Variants in LAMB4 observed in about 807,000 individuals in gnomAD.
LAMB4 encodes the protein laminin subunit beta 4, also known as laminin subunit beta-4.
Under a neutral mutation model 199.2 loss-of-function variants are expected in LAMB4, and 196 were observed. The observed-to-expected ratio is 0.98, with a 90% confidence interval of 0.88 to 1.11. The LOEUF (loss-of-function observed/expected upper bound fraction) is 1.11. LAMB4 is among the 50% of genes least tolerant of loss of function. The pLI is 0.00. For synonymous variants in LAMB4, 744 were observed against 770.6 expected (o/e 0.97, Z 0.57); for missense variants, 2,080 against 2,171.2 (o/e 0.96, Z 0.83).
At chr7:108,015,107 C>G in the LAMB4 span, among the ~76,000 whole-genome samples, 2 of 152,152 alleles carry the variant, frequency 1.3e-5, no homozygotes. Flanking sequence ...TTACACTGAT[C>G]TGTAAAAAAA....
chr7:108,067,548 C>A (rs914661369), intron 19 of LAMB4, among the ~76,000 whole-genome samples: 1 of 152,340 alleles, frequency 6.6e-6, no homozygotes, highest in Middle Eastern at 3.4e-3. Context: ...TGTTTGCAAA[C>A]CTCGCATCAG....
chr7:108,027,161 T>C (rs1290975426), intron 33 of LAMB4, among the ~76,000 whole-genome samples: 2 of 152,084 alleles, frequency 1.3e-5, no homozygotes, highest in Non-Finnish European at 1.5e-5. Context: ...CTGACTTTCA[T>C]GGTATTGTCT....
At chr7:108,109,133 A>C (rs1328934251) in intron 5 of LAMB4, 38 bp downstream of exon 5, 8 of 1,409,754 alleles carry the variant, frequency 5.7e-6, no homozygotes, top group East Asian at 4.6e-5. Flanking sequence ...CATTTAGGGA[A>C]TAGATAAAAG....
chr7:108,118,723 G>C (rs576060293), intron 2 of LAMB4, among the ~76,000 whole-genome samples: 2 of 152,078 alleles, frequency 1.3e-5, no homozygotes, highest in South Asian at 4.1e-4. Flanking sequence ...CTGGCATTTA[G>C]GGCTAGGTGA....
chr7:108,092,231 G>C (rs2037435123), intron 13 of LAMB4, 106 bp downstream of exon 13: 4 of 788,828 alleles, frequency 5.1e-6, no homozygotes, highest in Non-Finnish European at 8.5e-6. Flanking sequence ...CAAGATCATT[G>C]CTTGTCATGG....
intron 12 of LAMB4, among the ~76,000 whole-genome samples, chr7:108,093,246 T>A (rs537676439): frequency 2.0e-5 from 3 of 152,052 alleles, no homozygotes; most frequent in Non-Finnish European, 4.4e-5. Context: ...TTTGTATTTT[T>A]AGTAGAGACG....
At position 108,030,907 on chromosome 7, in the gene LAMB4, G is replaced by A. The variant is rs1331307919; in HGVS notation, c.4891C>T (p.Leu1631Phe). Residue 1631 changes from leucine (L) to phenylalanine (F), a missense_variant, in exon 32 of 34, where the codon CTT becomes TTT. Transcript: ENST00000388781. ...AKQRSGLEDG[L>F]SLLQTKLQRH... ...TGCAACTTGGTCTGCAGCAGGGAAA[G>A]TCCATCCTCCAGCCCTGATCGCTGC... The A allele has an allele frequency of 1.9e-6, 3 of 1,614,036 alleles. No individual in the cohort carries two copies. The highest frequency in any genetic ancestry group is 2.5e-6 in the Non-Finnish European group (3 of 1,179,990).
intron 13 of LAMB4, 49 bp from the exon 14 acceptor site, chr7:108,091,825 A>C: frequency 1.3e-6 from 2 of 1,596,350 alleles, no homozygotes; most frequent in Non-Finnish European, 1.7e-6. Context: ...AGGTGAGCGG[A>C]AAATGAAGGT....
chr7:108,042,947 G>C (rs1426362196), intron 29 of LAMB4, among the ~76,000 whole-genome samples: 2 of 150,648 alleles, frequency 1.3e-5, no homozygotes, highest in Non-Finnish European at 3.0e-5. Context: ...CTGTGTGTGT[G>C]TGTGTGTGTG....
At chr7:108,128,477 C>T (rs1253181594) in intron 1 of LAMB4, among the ~76,000 whole-genome samples, 1 of 152,220 alleles carries the variant, frequency 6.6e-6, no homozygotes. Context: ...GAAACTTTCT[C>T]AGTGGCTTCA....
intron 2 of LAMB4, among the ~76,000 whole-genome samples, chr7:108,119,474 C>T (rs561404185): frequency 5.9e-5 from 9 of 152,112 alleles, no homozygotes; most frequent in Non-Finnish European, 1.2e-4. Flanking sequence ...ATACAAGCAA[C>T]AACTTGGATG....
intron 28 of LAMB4, among the ~76,000 whole-genome samples, chr7:108,045,966 G>C (rs1312503771): frequency 6.6e-6 from 1 of 152,006 alleles, no homozygotes; most frequent in African/African-American, 2.4e-5. Flanking sequence ...TCTTGGCTGT[G>C]GTTCTCACCC....
intron 17 of LAMB4, among the ~76,000 whole-genome samples, chr7:108,072,816 G>A (rs74675861): frequency 0.017 from 2,653 of 152,258 alleles, 75 homozygotes; most frequent in African/African-American, 0.057. Flanking sequence ...TTCTTAAGTT[G>A]ATATGAAAAT....
chr7:108,071,737 C>T (rs773501366), intron 17 of LAMB4, among the ~76,000 whole-genome samples: 2 of 152,110 alleles, frequency 1.3e-5, no homozygotes, highest in African/African-American at 2.4e-5. Flanking sequence ...TTCTTTGTTC[C>T]CCTGCCACTT....
At position 108,062,766 on chromosome 7, in the gene LAMB4, T is replaced by G. The variant is rs199630763; in HGVS notation, c.3282+8A>C. ...TTGAGTGCACTAGTAAGCTTTAAAGTATCTTGCCTGGTCACAGTGGCTACT... is the reference window on the plus strand; with the variant it reads ...TTGAGTGCACTAGTAAGCTTTAAAGGATCTTGCCTGGTCACAGTGGCTACT... On this transcript the variant is annotated splice_region_variant and intron_variant, in intron 23 of 33. Transcript: ENST00000388781. The G allele has an allele frequency of 2.8e-6, 4 of 1,406,784 alleles. No homozygotes were observed. Among genetic ancestry groups the G allele is most frequent in the Admixed American group, 2.8e-5 (1 of 35,490 alleles). 87.1% of individuals were successfully genotyped at this position (1,406,784 alleles called of 1,614,324 possible). A position where few individuals can be genotyped will look rare whatever the true frequency, so the allele number is the denominator to read the frequency against.
intron 28 of LAMB4, among the ~76,000 whole-genome samples, chr7:108,047,175 TTCTC>T (rs915064250): frequency 4.6e-5 from 7 of 152,192 alleles, no homozygotes; most frequent in East Asian, 1.9e-4. Context: ...CTTGAATTCT[TTCTC>T]TCTCTCTTTA....
intron 16 of LAMB4, 99 bp downstream of exon 16, chr7:108,078,102 G>T: frequency 1.3e-6 from 1 of 758,954 alleles, no homozygotes; most frequent in South Asian, 1.6e-5. Flanking sequence ...GTTTTCTTCA[G>T]ACCTCCTCTT....
At chr7:108,113,862 C>T (rs1225110456) in intron 3 of LAMB4, among the ~76,000 whole-genome samples, 1 of 152,182 alleles carries the variant, frequency 6.6e-6, no homozygotes, top group Non-Finnish European at 1.5e-5. Context: ...AAATCATCCT[C>T]CATGCTGCGT....
Position 108,091,771 on chromosome 7 carries a change from G to A in LAMB4, c.1556C>T (p.Ser519Leu), listed in dbSNP as rs748414855. 3.7e-6 allele frequency: 6 copies of A among 1,613,414 alleles called. No individual in the cohort carries two copies. The Admixed American group carries it at 1.0e-4, about 27-fold the overall frequency. ...GCATTCACACTGCCCATTCTTGGGT[G>A]AGCACCTGAGGAAAAAGCAATTCAT... Reference protein sequence around the residue: ...DIGGAYSNVCSPKNGQCECRP... With the variant: ...DIGGAYSNVCLPKNGQCECRP... Residue 519 changes from serine to leucine, a missense_variant, in exon 14 of 34, where the codon TCA becomes TTA. Coordinates refer to ENST00000388781, the MANE Select transcript of LAMB4 (RefSeq NM_007356.3).
Sources: allele counts gnomAD v4.1 joint callset (sites outside exome capture counted in the v4.1 genomes callset), GRCh38; gene constraint gnomAD v4.1.1; transcripts MANE v1.5; gene names NCBI Gene and HGNC (gene_info 2026-07-23, HGNC 2026-07-21).